The following CCSER2 variants were observed in gnomAD, a reference collection of about 807,000 sequenced individuals.
CCSER2 encodes the protein coiled-coil serine rich protein 2.
In CCSER2, 46 loss-of-function variants were observed where a neutral mutation model predicts 92.3. That is an observed-to-expected ratio of 0.50 (90% CI 0.39 to 0.64). The LOEUF (loss-of-function observed/expected upper bound fraction) is 0.64. Ranked by LOEUF, CCSER2 falls within the 30% of genes least tolerant of loss-of-function variation. The probability of loss-of-function intolerance (pLI) is 0.00; values close to 1 mark genes in which losing one functional copy is unlikely to be tolerated. For missense variants in CCSER2, 1,244 were observed against 1,238.9 expected (o/e 1.00, Z -0.06); for synonymous variants, 433 against 431.4 (o/e 1.00, Z -0.04).
chr10:84,393,738 C>A (rs1841662978), intron 3 of CCSER2: 1 of 152,502 alleles, frequency 6.6e-6, no homozygotes, highest in African/African-American at 2.4e-5. Flanking sequence ...CTGTTTAATA[C>A]TTTTCACTTA....
intron 3 of CCSER2, among the ~76,000 whole-genome samples, chr10:84,378,321 T>C (rs923312205): frequency 6.6e-6 from 1 of 152,086 alleles, no homozygotes; most frequent in Non-Finnish European, 1.5e-5. Context: ...AATAGTAAAC[T>C]ACCTTTCCAT....
intron 3 of CCSER2, among the ~76,000 whole-genome samples, chr10:84,378,470 T>A (rs1029908263): frequency 1.3e-5 from 2 of 149,760 alleles, no homozygotes; most frequent in African/African-American, 4.9e-5. Context: ...GTCTCGCTCT[T>A]CTCACCCAGG....
intron 1 of CCSER2, among the ~76,000 whole-genome samples, chr10:84,368,516 CAT>C (rs1845901429): frequency 6.6e-6 from 1 of 151,890 alleles, no homozygotes; most frequent in Admixed American, 6.6e-5. Flanking sequence ...GACATAATAA[CAT>C]GTATTATAGG....
intron 3 of CCSER2, among the ~76,000 whole-genome samples, chr10:84,401,328 A>G (rs75180180): frequency 0.026 from 3,903 of 152,310 alleles, 155 homozygotes; most frequent in African/African-American, 0.087. Context: ...ACAAAGGCAT[A>G]GTGAAACAAA....
chr10:84,426,388 C>A (rs1240899082), intron 5 of CCSER2, among the ~76,000 whole-genome samples: 1 of 152,150 alleles, frequency 6.6e-6, no homozygotes, highest in Non-Finnish European at 1.5e-5. Flanking sequence ...TTGGTCAGAT[C>A]TTATTTTGTA....
intron 5 of CCSER2, among the ~76,000 whole-genome samples, chr10:84,435,451 C>G (rs1490611640): frequency 6.6e-6 from 1 of 152,090 alleles, no homozygotes; most frequent in Non-Finnish European, 1.5e-5. Context: ...TCAGTGTATT[C>G]CCTTTCTAAT....
intron 3 of CCSER2, among the ~76,000 whole-genome samples, chr10:84,415,475 A>C (rs762151496): frequency 5.3e-5 from 8 of 152,098 alleles, no homozygotes; most frequent in Non-Finnish European, 8.8e-5. Context: ...TCTTACCTGG[A>C]GATATCACCA....
intron 5 of CCSER2, among the ~76,000 whole-genome samples, chr10:84,432,738 TC>T (rs1183542163): frequency 7.2e-5 from 11 of 152,220 alleles, no homozygotes; most frequent in Non-Finnish European, 1.5e-4. Context: ...ATTTTCAACA[TC>T]CATTTTTTCT....
chr10:84,462,629 T>A (rs1022330690), intron 6 of CCSER2, among the ~76,000 whole-genome samples: 2 of 152,238 alleles, frequency 1.3e-5, no homozygotes, highest in Non-Finnish European at 2.9e-5. Flanking sequence ...TGTTCTTAGA[T>A]CAAAGTCTTA....
At position 84,515,157 on chromosome 10, in the gene CCSER2, G is replaced by A. The variant is rs1053324079; in HGVS notation, c.*890G>A. The A allele has an allele frequency of 6.6e-6, 1 of 152,452 alleles. No individual in the cohort carries two copies. Among genetic ancestry groups the A allele is most frequent in the African/African-American group, 2.4e-5 (1 of 41,400 alleles). 9.4% of individuals were successfully genotyped at this position (152,452 alleles called of 1,614,324 possible). On this transcript the variant is annotated 3_prime_UTR_variant, in exon 10 of 10. Transcript: ENST00000372088. The stretch of plus-strand genomic sequence containing the variant: ...GTGGATCCATGATAGCCATTTTAAG[G>A]TTCCACAGCATTATGTCTTTAATTG...
At chr10:84,339,763 C>T (rs1439892962) in intron 1 of CCSER2, among the ~76,000 whole-genome samples, 1 of 152,104 alleles carries the variant, frequency 6.6e-6, no homozygotes, top group African/African-American at 2.4e-5. Flanking sequence ...GCATGAGCTA[C>T]CGTGCCTGGC....
intron 9 of CCSER2, among the ~76,000 whole-genome samples, chr10:84,502,282 T>C (rs1327663576): frequency 6.6e-6 from 1 of 151,942 alleles, no homozygotes; most frequent in Non-Finnish European, 1.5e-5. Flanking sequence ...CTAGTACTCA[T>C]GTTTGGAGAG....
At chr10:84,373,867 G>C (rs1378111043) in intron 3 of CCSER2, 52 bp downstream of exon 3, 1 of 1,607,836 alleles carries the variant, frequency 6.2e-7, no homozygotes, top group Non-Finnish European at 8.5e-7. Flanking sequence ...CTACTATAGA[G>C]AGACTTGTGA....
chr10:84,501,566 G>A (rs11201073), intron 9 of CCSER2, among the ~76,000 whole-genome samples: 84,874 of 151,118 alleles, frequency 0.56, 26,431 homozygotes, highest in Non-Finnish European at 0.67. Flanking sequence ...TATTTGTATA[G>A]CATTAGAATT....
chr10:84,346,133 C>T (rs1425242954), intron 1 of CCSER2, among the ~76,000 whole-genome samples: 3 of 152,178 alleles, frequency 2.0e-5, no homozygotes, highest in African/African-American at 7.2e-5. Flanking sequence ...GGCGCAATCT[C>T]GGCTCACCGC....
intron 5 of CCSER2, 86 bp downstream of exon 5, chr10:84,425,979 TG>T: frequency 1.0e-6 from 1 of 984,840 alleles, no homozygotes; most frequent in African/African-American, 1.6e-5. Flanking sequence ...TCAAAAAACC[TG>T]TTTTTGTCTG....
chr10:84,512,367 AGTGTGT>A lies in CCSER2; in HGVS notation c.2326-1058_2326-1053del, dbSNP rs141667701. ...ACATTTTAGCCCACATTATTTAAAC[AGTGTGT>A]GTGTGTGTGTGTGTGTGTGTGTGAG... On this transcript the variant is annotated intron_variant, in intron 9 of 9. Transcript: ENST00000372088. 4.0e-3 allele frequency among the ~76,000 whole-genome samples: 561 copies of A among 139,664 alleles called. 8 individuals are homozygous for A. The highest frequency in any genetic ancestry group is 0.013 in the African/African-American group (509 of 37,808). The allele number at this position is 139,664 out of a possible 152,430, so 91.6% of individuals were successfully genotyped here.
At chr10:84,432,643 T>C (rs1270199093) in intron 5 of CCSER2, among the ~76,000 whole-genome samples, 3 of 152,250 alleles carry the variant, frequency 2.0e-5, no homozygotes, top group Admixed American at 1.3e-4. Flanking sequence ...TTATCAGATA[T>C]ATGTTTTGCA....
At chr10:84,486,443 G>A (rs1847814422) in intron 9 of CCSER2, among the ~76,000 whole-genome samples, 1 of 152,164 alleles carries the variant, frequency 6.6e-6, no homozygotes, top group African/African-American at 2.4e-5. Flanking sequence ...ATTCTAACTG[G>A]TGTGAGATGG....
Sources: gnomAD v4.1 joint callset for allele counts (sites outside exome capture counted in the v4.1 genomes callset) on GRCh38, gnomAD v4.1.1 for gene constraint, MANE v1.5 for transcripts, NCBI Gene and HGNC (gene_info 2026-07-23, HGNC 2026-07-21) for gene names.